EIF3A: variants seen among roughly 807,000 people sequenced by gnomAD.
EIF3A encodes EIF3, p180 subunit.
A neutral mutation model predicts 186.6 loss-of-function variants in EIF3A; 21 were observed. The observed-to-expected ratio is 0.11, with a 90% CI of 0.08 to 0.16. The LOEUF (loss-of-function observed/expected upper bound fraction) is 0.16, where lower values mean the gene tolerates loss of function less well. EIF3A is among the 10% of genes least tolerant of loss of function. EIF3A has a pLI of 1.00. For missense variants in EIF3A, 1,306 were observed against 1,796.3 expected, an observed-to-expected ratio of 0.73 and a Z score of 4.93; for synonymous variants, 563 against 584.3, an observed-to-expected ratio of 0.96 and a Z score of 0.52.
chr10:119,080,581 G>C (rs944715211), intron 1 of EIF3A, 47 bp downstream of exon 1: 1 of 1,550,432 alleles, frequency 6.4e-7, no homozygotes, highest in Non-Finnish European at 8.7e-7. Flanking sequence ...CTCGACCTCG[G>C]AGGCCTCGGG....
intron 1 of EIF3A, among the ~76,000 whole-genome samples, chr10:119,080,117 G>GCGGGGGTGGCTGCGGGAAGGC (rs1238522355): frequency 9.9e-5 from 15 of 152,260 alleles, no homozygotes; most frequent in African/African-American, 3.6e-4. Flanking sequence ...GGCTTGGAGA[G>GCGGGGGTGGCTGCGGGAAGGC]CGGGGGTGGC....
chr10:119,066,718 G>A (rs952101159), intron 6 of EIF3A, among the ~76,000 whole-genome samples: 2 of 151,986 alleles, frequency 1.3e-5, no homozygotes, highest in African/African-American at 4.8e-5. Context: ...GCGAGCCCTG[G>A]AGCTGAAGGG....
chr10:119,051,173 C>T (rs1848351530), intron 15 of EIF3A, 26 bp downstream of exon 15: 1 of 1,586,844 alleles, frequency 6.3e-7, no homozygotes, highest in Admixed American at 1.9e-5. Context: ...CATGAATAAA[C>T]ATTTCCCAAA....
At position 119,069,591 on chromosome 10, in the gene EIF3A, G is replaced by A. The variant is rs1340975562; in HGVS notation, c.805C>T (p.Pro269Ser). ...LFSLSKKPPK[P>S]QLMANYYNKV... is the part of the protein sequence containing the mutation. The stretch of plus-strand genomic sequence containing the variant: ...TTATAGTAATTTGCCATCAACTGAG[G>A]TTTAGGTGGTTTTTTAGACAAGGAG... The change falls in exon 6 of 22, where the codon CCT becomes TCT. Residue 269 changes from proline to serine, a missense_variant. This residue lies in a region of EIF3A where 267 missense variants were observed against 367.8 expected (regional missense o/e 0.73). Transcript: ENST00000369144. 2 of 1,602,032 alleles carry A rather than the reference G, an allele frequency of 1.2e-6. No homozygotes were observed. The highest frequency in any genetic ancestry group is 1.3e-5 in the African/African-American group (1 of 74,734).
chr10:119,042,420 C>T lies in EIF3A; in HGVS notation c.3100G>A (p.Glu1034Lys), dbSNP rs1848222194. 1.2e-6 allele frequency: 2 copies of T among 1,614,054 alleles called. No homozygotes were observed. Among genetic ancestry groups the T allele is most frequent in the East Asian group, 2.2e-5 (1 of 44,890 alleles). Residue 1034 changes from glutamate (E) to lysine (K), a missense_variant, in exon 19 of 22, where the codon GAG (glutamate) becomes AAG (lysine). Around this residue, in one of 8 missense-constraint regions of EIF3A, gnomAD observed 410 missense variants for 473.5 expected, o/e 0.87. Transcript: ENST00000369144. This position sits in a 1 kb window ranked among gnomAD's most constrained non-coding sequence, Gnocchi z 7.8. ...EDRGSWRTAD[E>K]DRGPRRGMDD... ...ATCCCACGTCTTGGTCCTCTGTCCTCATCAGCTGTTCGCCAGCTTCCTCTG... is the reference window on the plus strand; with the variant it reads ...ATCCCACGTCTTGGTCCTCTGTCCTTATCAGCTGTTCGCCAGCTTCCTCTG...
chr10:119,080,784 G>C lies in EIF3A; in HGVS notation c.-108C>G, dbSNP rs1382419078. 1 of 1,451,960 alleles carries C rather than the reference G, an allele frequency of 6.9e-7. No individual in the cohort carries two copies. Among genetic ancestry groups the C allele is most frequent in the Non-Finnish European group, 9.1e-7 (1 of 1,098,062 alleles). The allele number at this position is 1,451,960 out of a possible 1,614,324, so 89.9% of individuals were successfully genotyped here. ...TAAGGTCCCACGCGCCTCGCCAGCA[G>C]TCGCCCGCGCCCAGCCGGCCAGAGA... On this transcript the variant is annotated 5_prime_UTR_variant, in exon 1 of 22. Coordinates refer to ENST00000369144, the MANE Select transcript of EIF3A (RefSeq NM_003750.4).
At chr10:119,039,305 T>C (rs1344305925) in intron 19 of EIF3A, among the ~76,000 whole-genome samples, 1 of 152,172 alleles carries the variant, frequency 6.6e-6, no homozygotes, top group Non-Finnish European at 1.5e-5. Context: ...ACATTTTATA[T>C]ACAGTACATA....
chr10:119,075,815 G>A lies in EIF3A; in HGVS notation c.50-1878C>T, dbSNP rs1161534664. 3.2e-4 allele frequency among the ~76,000 whole-genome samples: 42 copies of A among 133,244 alleles called. No homozygotes were observed. In the East Asian group the frequency reaches 8.1e-3, roughly 26 times the overall value. The allele number at this position is 133,244 out of a possible 152,430, so 87.4% of individuals were successfully genotyped here. ...TGCAAGCTCCGCCTCCCGGGTTCAC[G>A]TCATTCTCCTGCCTCAGCCTCCTGA... On this transcript the variant is annotated intron_variant, in intron 1 of 21. Transcript: ENST00000369144.
rs868379402 is a variant in EIF3A, at chr10:119,042,889, G to A, written c.2748-117C>T. On this transcript the variant is annotated intron_variant, in intron 18 of 21. Transcript: ENST00000369144. This position sits in a 1 kb window ranked among gnomAD's most constrained non-coding sequence, Gnocchi z 7.8. Reference sequence around the variant, plus strand: ...TCAGTATGGGCCGGAGCAGTGGCTCGCACCTTTAATCCCAGCACTCTGGGA... The same window carrying A: ...TCAGTATGGGCCGGAGCAGTGGCTCACACCTTTAATCCCAGCACTCTGGGA... 69 of 1,073,962 alleles carry A rather than the reference G, an allele frequency of 6.4e-5. No individual in the cohort carries two copies. Among genetic ancestry groups the A allele is most frequent in the African/African-American group, 2.9e-4 (18 of 62,464 alleles). The allele number at this position is 1,073,962 out of a possible 1,614,324, so 66.5% of individuals were successfully genotyped here.
chr10:119,040,765 G>C (rs942621730), intron 19 of EIF3A, among the ~76,000 whole-genome samples: 1 of 152,096 alleles, frequency 6.6e-6, no homozygotes, highest in Non-Finnish European at 1.5e-5. Flanking sequence ...CCAGCACTTT[G>C]GGAGGCTGAG....
intron 5 of EIF3A, 47 bp from the exon 6 acceptor site, chr10:119,069,701 A>C: frequency 1.1e-6 from 1 of 919,732 alleles, no homozygotes; most frequent in East Asian, 2.4e-5. Flanking sequence ...TATAACACGA[A>C]AAAAATCTAA....
chr10:119,042,637 G>A lies in EIF3A; in HGVS notation c.2883C>T (p.Gly961=), dbSNP rs537944752. 1.2e-6 allele frequency: 2 copies of A among 1,614,152 alleles called. No individual in the cohort carries two copies. Among genetic ancestry groups the A allele is most frequent in the Admixed American group, 1.7e-5 (1 of 60,018 alleles). ...GTCTAGGGCCTCTGTCATCATCCAT[G>A]CCACGCCGGGGAACCCGATCATCGT... ...RPDDDRVPRR[G]MDDDRGPRRG... Residue 961 remains glycine (G), a synonymous_variant, in exon 19 of 22, where the codon GGC becomes GGT. Coordinates refer to ENST00000369144, the MANE Select transcript of EIF3A (RefSeq NM_003750.4). This position sits in a 1 kb window ranked among gnomAD's most constrained non-coding sequence, Gnocchi z 7.8.
intron 7 of EIF3A, among the ~76,000 whole-genome samples, chr10:119,061,720 A>C (rs574402150): frequency 5.9e-5 from 9 of 152,358 alleles, no homozygotes; most frequent in African/African-American, 2.2e-4. Context: ...TATTTCTAAT[A>C]GCCCCAAACT....
rs1349363557 is a variant in EIF3A, at chr10:119,059,388, C to T, written c.1453G>A (p.Asp485Asn). The change falls in exon 11 of 22, where the codon GAT (aspartate) becomes AAT (asparagine). Residue 485 changes from aspartate to asparagine, a missense_variant. Physicochemically the swap from Asp to Asn is conservative, Grantham distance 23 (BLOSUM62 1). Around this residue, in one of 8 missense-constraint regions of EIF3A, gnomAD observed 267 missense variants for 367.8 expected, o/e 0.73. Coordinates refer to ENST00000369144, the MANE Select transcript of EIF3A (RefSeq NM_003750.4). ...AAACTCAGGGTCCGAGAAGTGTGAT[C>T]AATACGAACCTTTGAAAATTAAATT... is the stretch of plus-strand genomic sequence containing the variant. ...ARHCDLQVRI[D>N]HTSRTLSFGS... 3 of 1,560,404 alleles carry T rather than the reference C, an allele frequency of 1.9e-6. No individual in the cohort carries two copies. Among genetic ancestry groups the T allele is most frequent in the Non-Finnish European group, 1.7e-6 (2 of 1,155,234 alleles).
chr10:119,047,580 C>T (rs1848296999), intron 17 of EIF3A, among the ~76,000 whole-genome samples: 1 of 152,116 alleles, frequency 6.6e-6, no homozygotes, highest in Non-Finnish European at 1.5e-5. Context: ...GGTAAGCTTC[C>T]TCATGTTCCT....
In EIF3A at chr10:119,042,108, C is replaced by G; in HGVS notation, c.3412G>C (p.Gly1138Arg). The G allele has an allele frequency of 1.2e-6, 2 of 1,614,182 alleles. No individual in the cohort carries two copies. Among genetic ancestry groups the G allele is most frequent in the Non-Finnish European group, 1.7e-6 (2 of 1,180,034 alleles). Residue 1138 changes from glycine (G) to arginine (R), a missense_variant, in exon 19 of 22, where the codon GGC (glycine) becomes CGC (arginine). By Grantham distance (125) the Gly-to-Arg change is moderately radical (BLOSUM62 -2). This residue lies in a region of EIF3A where 331 missense variants were observed against 365.8 expected (regional missense o/e 0.90). Transcript: ENST00000369144. The surrounding 1 kb of genome is among the most constrained non-coding windows in gnomAD (Gnocchi z 7.8). ...TCATCATCCATGTTTCTCCAAGGGC[C>G]CCTGTCATCCTCTGCACCACGCCTG... ...IPRRGAEDDR[G>R]PWRNMDDDRL...
At chr10:119,064,078 C>CA (rs1377641609) in intron 7 of EIF3A, among the ~76,000 whole-genome samples, 1 of 152,052 alleles carries the variant, frequency 6.6e-6, no homozygotes, top group East Asian at 1.9e-4. Flanking sequence ...GACCCTGTCT[C>CA]AAAAAACAAC....
In EIF3A at chr10:119,074,094, A is replaced by G. The variant is rs143060992; in HGVS notation, c.50-157T>C. 3.9e-5 allele frequency among the ~76,000 whole-genome samples: 6 copies of G among 152,356 alleles called. No individual in the cohort carries two copies. In the East Asian group the frequency reaches 1.2e-3, roughly 29 times the overall value. ...CTAAAGCTATGCCATAATTATCAAA[A>G]GTAAAACAACAGAAAGACCTGTACT... On this transcript the variant is annotated intron_variant, in intron 1 of 21. Transcript: ENST00000369144.
rs1398977330 is a variant in EIF3A at position 119,060,636 on chromosome 10, G to T, written c.1326+110C>A. On this transcript the variant is annotated intron_variant, in intron 9 of 21. Transcript: ENST00000369144. ...ATAAATAGACTAATTTTTGCCAGGG[G>T]CAGAACTTGGGGAGGTTCTCACTTC... The T allele has an allele frequency of 2.1e-5, 14 of 653,338 alleles. No homozygotes were observed. In the Admixed American group the frequency reaches 2.3e-4, roughly 11 times the overall value. 40.5% of individuals were successfully genotyped at this position (653,338 alleles called of 1,614,324 possible).
Sources: allele counts gnomAD v4.1 joint callset (sites outside exome capture counted in the v4.1 genomes callset), GRCh38; gene constraint gnomAD v4.1.1; regional missense constraint gnomAD v4.1.1; non-coding constraint Gnocchi (gnomAD v3.1); transcripts MANE v1.5; gene names NCBI Gene and HGNC (gene_info 2026-07-23, HGNC 2026-07-21).